Variants in EFL1 observed in about 807,000 individuals in gnomAD.
EFL1 encodes the protein elongation factor like GTPase 1, also known as elongation factor-like GTPase 1.
Under a neutral mutation model 126.7 loss-of-function variants are expected in EFL1, and 76 were observed. The observed-to-expected ratio is 0.60, with a 90% CI of 0.50 to 0.73. The LOEUF is 0.73. EFL1 is among the 30% of genes least tolerant of loss of function. The pLI is 0.00. For missense variants in EFL1, 1,128 were observed against 1,343.2 expected (o/e 0.84, Z 2.50); for synonymous variants, 410 against 448.4 (o/e 0.91, Z 1.08).
At position 82,225,246 on chromosome 15, in the gene EFL1, C is replaced by G. The variant is rs2074750991; in HGVS notation, c.1211G>C (p.Ser404Thr). Residue 404 changes from serine (S) to threonine (T), a missense_variant, in exon 12 of 20, where the codon AGT becomes ACT. Ser to Thr is a moderately conservative substitution (Grantham distance 58). This residue lies in a region of EFL1 where 316 missense variants were observed against 318.5 expected (regional missense o/e 0.99). Coordinates refer to ENST00000268206, the MANE Select transcript of EFL1 (RefSeq NM_024580.6). ...ALKAAFMKCGSEDTAPVIIFV... is the reference protein window; with the variant it reads ...ALKAAFMKCGTEDTAPVIIFV... ...TATAATAACTGGAGCAGTGTCCTCA[C>G]TTCCACATTTCATAAAAGCTAAACA... 1 of 1,606,484 alleles carries G rather than the reference C, an allele frequency of 6.2e-7. No homozygotes were observed. Among genetic ancestry groups the G allele is most frequent in the Non-Finnish European group, 8.5e-7 (1 of 1,177,670 alleles).
In EFL1 at chr15:82,152,381, T is replaced by C. The variant is rs772148738; in HGVS notation, c.2073A>G (p.Pro691=). 1 of 1,613,134 alleles carries C rather than the reference T, an allele frequency of 6.2e-7. No individual in the cohort carries two copies. Among genetic ancestry groups the C allele is most frequent in the Non-Finnish European group, 8.5e-7 (1 of 1,179,998 alleles). Reference sequence around the variant, plus strand: ...GGGGTTTTGTGATTGTTTCTCTGAATGGAATAATAGGTTCAGATACACTGA... The same window carrying C: ...GGGGTTTTGTGATTGTTTCTCTGAACGGAATAATAGGTTCAGATACACTGA... ...IHISVSEPII[P]FRETITKPPK... The change falls in exon 18 of 20, where the codon CCA becomes CCG. Residue 691 remains proline (P), a synonymous_variant. Transcript: ENST00000268206.
chr15:82,130,917 A>C (rs2073635450), intron 19 of EFL1, among the ~76,000 whole-genome samples: 1 of 152,198 alleles, frequency 6.6e-6, no homozygotes, highest in South Asian at 2.1e-4. Context: ...AGGGAGGCTG[A>C]GGCAGAAGAA....
chr15:82,207,039 G>GTA (rs1376108618), intron 15 of EFL1, among the ~76,000 whole-genome samples: 1 of 151,886 alleles, frequency 6.6e-6, no homozygotes, highest in Non-Finnish European at 1.5e-5. Flanking sequence ...ACCTAATACT[G>GTA]TATTCCAGAA....
chr15:82,142,691 C>A (rs2073802356), intron 18 of EFL1, among the ~76,000 whole-genome samples: 1 of 152,144 alleles, frequency 6.6e-6, no homozygotes. Flanking sequence ...AGTAACCCAC[C>A]CCTTCAGCTT....
chr15:82,213,009 G>A (rs945583099), intron 15 of EFL1, among the ~76,000 whole-genome samples: 2 of 152,142 alleles, frequency 1.3e-5, no homozygotes, highest in Admixed American at 1.3e-4. Context: ...TGAGCCACTG[G>A]CTCCCTGATG....
chr15:82,175,511 G>A (rs2074185546), intron 15 of EFL1, among the ~76,000 whole-genome samples: 1 of 151,958 alleles, frequency 6.6e-6, no homozygotes, highest in Non-Finnish European at 1.5e-5. Context: ...TTGAATTTTT[G>A]GTATTAATAC....
chr15:82,138,510 C>G (rs1349228076), intron 19 of EFL1, 148 bp downstream of exon 19: 1 of 696,498 alleles, frequency 1.4e-6, no homozygotes, highest in East Asian at 3.2e-5. Context: ...GATGAAAAAG[C>G]CATTTGCTTT....
chr15:82,208,727 C>G (rs1567063630), intron 15 of EFL1, among the ~76,000 whole-genome samples: 4 of 151,808 alleles, frequency 2.6e-5, no homozygotes, highest in Non-Finnish European at 4.4e-5. Context: ...GAGAAAAACT[C>G]TATAACTTTG....
At position 82,225,090 on chromosome 15, in the gene EFL1, T is replaced by G; in HGVS notation, c.1292+75A>C. ...GGAAAAGCATTATCCGTGCCCCCCC[T>G]ACCCACAGCCCAACTGCATCCCACC... On this transcript the variant is annotated intron_variant, in intron 12 of 19. Transcript: ENST00000268206. 3.4e-6 allele frequency: 4 copies of G among 1,182,070 alleles called. No homozygotes were observed. In the South Asian group the frequency reaches 6.0e-5, roughly 18 times the overall value. 73.2% of individuals were successfully genotyped at this position (1,182,070 alleles called of 1,614,324 possible).
intron 17 of EFL1, among the ~76,000 whole-genome samples, chr15:82,155,306 A>T (rs1186797898): frequency 1.3e-5 from 2 of 152,104 alleles, no homozygotes; most frequent in Non-Finnish European, 2.9e-5. Context: ...GTTTGAGAAC[A>T]GCCTGGCCAA....
Position 82,227,471 on chromosome 15 carries a change from C to A in EFL1, c.1171G>T (p.Glu391Ter). The A allele has an allele frequency of 6.2e-7, 1 of 1,614,140 alleles. No homozygotes were observed. Among genetic ancestry groups the A allele is most frequent in the Non-Finnish European group, 8.5e-7 (1 of 1,180,000 alleles). ...TCACCTGCTTTCAGTGCTTGAGTTT[C>A]TGGTGGAAAAGAGTCAAAAGTTTGT... ...GSQTFDSFPP[E>*]TQALKAAFMK... Residue 391 changes from glutamate (E) to a stop codon, truncating the protein, a stop_gained, in exon 11 of 20, where the codon GAA becomes TAA. Coordinates refer to ENST00000268206, the MANE Select transcript of EFL1 (RefSeq NM_024580.6). LOFTEE classifies it high-confidence loss of function.
chr15:82,130,973 C>A (rs1446510149), intron 19 of EFL1, among the ~76,000 whole-genome samples: 1 of 151,950 alleles, frequency 6.6e-6, no homozygotes, highest in African/African-American at 2.4e-5. Context: ...TGAGATCATG[C>A]CACTGCACTC....
At chr15:82,220,465 T>C (rs2651725) in intron 12 of EFL1, among the ~76,000 whole-genome samples, 1 of 146,772 alleles carries the variant, frequency 6.8e-6, no homozygotes, top group Non-Finnish European at 1.5e-5. Flanking sequence ...AGTCCCCATC[T>C]GGAGCAATGT....
intron 15 of EFL1, among the ~76,000 whole-genome samples, chr15:82,177,314 TAATAAA>T (rs1167543114): frequency 6.6e-6 from 1 of 152,214 alleles, no homozygotes; most frequent in African/African-American, 2.4e-5. Context: ...TAACTGCAAC[TAATAAA>T]AATAAACCAT....
At chr15:82,203,790 G>A (rs897408779) in intron 15 of EFL1, among the ~76,000 whole-genome samples, 40 of 152,122 alleles carry the variant, frequency 2.6e-4, no homozygotes, top group African/African-American at 8.5e-4. Context: ...TCATCTTCAC[G>A]AATGTATAAT....
chr15:82,212,459 G>A (rs1246134154), intron 15 of EFL1, among the ~76,000 whole-genome samples: 1 of 152,216 alleles, frequency 6.6e-6, no homozygotes, highest in Non-Finnish European at 1.5e-5. Context: ...CAGAATTTTG[G>A]TATACTCATG....
rs777287952 is a variant in EFL1 at position 82,219,734 on chromosome 15, C to A, written c.1529G>T (p.Arg510Leu). ...NNQESFIAFARVFSGVARRGK... is the reference protein window; with the variant it reads ...NNQESFIAFALVFSGVARRGK... ...TCTTCGAGCCACACCACTGAACACCCGAGCAAATGCAATAAAAGACTCTTG... is the reference window on the plus strand; with the variant it reads ...TCTTCGAGCCACACCACTGAACACCAGAGCAAATGCAATAAAAGACTCTTG... The change falls in exon 14 of 20, where the codon CGG becomes CTG. Residue 510 changes from arginine (R) to leucine (L), a missense_variant. Transcript: ENST00000268206. 3.1e-6 allele frequency: 5 copies of A among 1,614,012 alleles called. No individual in the cohort carries two copies. Among genetic ancestry groups the A allele is most frequent in the South Asian group, 1.1e-5 (1 of 91,080 alleles).
chr15:82,152,392 G>C lies in EFL1; in HGVS notation c.2062C>G (p.Pro688Ala). 6.2e-7 allele frequency: 1 copy of C among 1,611,876 alleles called. No homozygotes were observed. The highest frequency in any genetic ancestry group is 8.5e-7 in the Non-Finnish European group (1 of 1,179,794). Reference sequence around the variant, plus strand: ...ATTGTTTCTCTGAATGGAATAATAGGTTCAGATACACTGATATGAATCTTT... The same window carrying C: ...ATTGTTTCTCTGAATGGAATAATAGCTTCAGATACACTGATATGAATCTTT... ...FAKIHISVSE[P>A]IIPFRETITK... Residue 688 changes from proline (P) to alanine (A), a missense_variant, in exon 18 of 20, where the codon CCT (proline) becomes GCT (alanine). Around this residue, in one of 6 missense-constraint regions of EFL1, gnomAD observed 561 missense variants for 641.7 expected, o/e 0.87. Coordinates refer to ENST00000268206, the MANE Select transcript of EFL1 (RefSeq NM_024580.6).
intron 15 of EFL1, among the ~76,000 whole-genome samples, chr15:82,188,767 G>C (rs1316235685): frequency 6.6e-6 from 1 of 151,926 alleles, no homozygotes; most frequent in African/African-American, 2.4e-5. Context: ...TAATAGTTTT[G>C]TTGTTCTCTA....
Sources: gnomAD v4.1 joint callset for allele counts (sites outside exome capture counted in the v4.1 genomes callset) on GRCh38, gnomAD v4.1.1 for gene constraint, gnomAD v4.1.1 regional missense constraint, MANE v1.5 for transcripts, NCBI Gene and HGNC (gene_info 2026-07-23, HGNC 2026-07-21) for gene names.